The following TACC2 variants were observed in gnomAD, a reference collection of about 807,000 sequenced individuals.
TACC2 encodes the protein transforming acidic coiled-coil containing protein 2.
Under a neutral mutation model 227.3 loss-of-function variants are expected in TACC2, and 137 were observed. The observed-to-expected ratio is 0.60, with a 90% CI of 0.52 to 0.69. The LOEUF is 0.69. Ranked by LOEUF, TACC2 falls within the 30% of genes least tolerant of loss-of-function variation. TACC2 has a pLI of 0.00. For missense variants in TACC2, 3,470 were observed against 3,694.4 expected (o/e 0.94, Z 1.57); for synonymous variants, 1,523 against 1,487.5 (o/e 1.02, Z -0.55).
Position 122,171,245 on chromosome 10 carries a change from T to G in TACC2, c.5835-23795T>G, listed in dbSNP as rs74158808. Among the ~76,000 whole-genome samples, 1,005 of 152,274 alleles carry G rather than the reference T, an allele frequency of 6.6e-3. 13 individuals are homozygous for G. Among genetic ancestry groups the G allele is most frequent in the African/African-American group, 0.023 (965 of 41,544 alleles). On this transcript the variant is annotated intron_variant, in intron 7 of 22. Transcript: ENST00000369005. ...TTTCCTCTGAGTTTCTGCTTTTGCC[T>G]TTTCGTCTGCTTTCTCCTTAAATGG...
intron 16 of TACC2, among the ~76,000 whole-genome samples, chr10:122,233,133 A>C (rs969922415): frequency 3.3e-5 from 5 of 152,194 alleles, no homozygotes; most frequent in African/African-American, 1.2e-4. Flanking sequence ...AATGAGGAGA[A>C]GTCCTTAGGG....
intron 5 of TACC2, among the ~76,000 whole-genome samples, chr10:122,119,561 C>T (rs1031899929): frequency 6.6e-6 from 1 of 152,144 alleles, no homozygotes; most frequent in African/African-American, 2.4e-5. Context: ...GCTACACTTT[C>T]ACTCACCTGA....
rs1373973651 is a variant in TACC2, at chr10:122,176,103, CTCTCTCTCTCTCTCTATATATATATATA to C, written c.5835-18935_5835-18908del. The stretch of plus-strand genomic sequence containing the variant: ...TCTCTCTCTCTCTCTCTCTCTCTCT[CTCTCTCTCTCTCTCTATATATATATATA>C]TATATATATATATATGAAGATGAAA... On this transcript the variant is annotated intron_variant, in intron 7 of 22. Transcript: ENST00000369005. Among the ~76,000 whole-genome samples the C allele has an allele frequency of 3.8e-3, 298 of 77,874 alleles. 1 individual carries two copies. Among genetic ancestry groups the C allele is most frequent in the South Asian group, 0.013 (33 of 2,590 alleles). 51.1% of individuals were successfully genotyped at this position (77,874 alleles called of 152,430 possible).
At position 122,180,097 on chromosome 10, in the gene TACC2, C is replaced by G. The variant is rs533265127; in HGVS notation, c.5835-14943C>G. On this transcript the variant is annotated intron_variant, in intron 7 of 22. Coordinates refer to ENST00000369005, the MANE Select transcript of TACC2 (RefSeq NM_206862.4). The surrounding 1 kb of genome is among the most constrained non-coding windows in gnomAD (Gnocchi z 4.5). The stretch of plus-strand genomic sequence containing the variant: ...GAGACGGTGTCTCCAAAAAAACAGG[C>G]GAGTCCTTTCCCCGTGTAACCCTCA... 3.1e-4 allele frequency among the ~76,000 whole-genome samples: 47 copies of G among 151,742 alleles called. No individual in the cohort carries two copies. The highest frequency in any genetic ancestry group is 1.0e-3 in the African/African-American group (42 of 41,398).
At chr10:122,221,902 G>A (rs1266823537) in intron 11 of TACC2, among the ~76,000 whole-genome samples, 6 of 152,124 alleles carry the variant, frequency 3.9e-5, no homozygotes, top group Non-Finnish European at 5.9e-5. Context: ...TTCTGCATGG[G>A]GCTCTTTCCT....
intron 6 of TACC2, among the ~76,000 whole-genome samples, chr10:122,138,645 G>C (rs1219951847): frequency 3.9e-5 from 6 of 152,220 alleles, no homozygotes; most frequent in Non-Finnish European, 7.3e-5. Context: ...TGACATTCAT[G>C]AATCAGATTT....
chr10:122,076,655 G>C (rs1392430134), intron 3 of TACC2, among the ~76,000 whole-genome samples: 1 of 151,968 alleles, frequency 6.6e-6, no homozygotes, highest in Non-Finnish European at 1.5e-5. Context: ...CTACCAGTGA[G>C]TGTAGAGGTG....
intron 11 of TACC2, among the ~76,000 whole-genome samples, chr10:122,217,654 G>C (rs1302135479): frequency 6.6e-6 from 1 of 151,894 alleles, no homozygotes; most frequent in African/African-American, 2.4e-5. Flanking sequence ...TAGCTGGGCT[G>C]GTCTCTAACT....
At chr10:122,021,545 G>A (rs1156898567) in intron 1 of TACC2, among the ~76,000 whole-genome samples, 1 of 152,168 alleles carries the variant, frequency 6.6e-6, no homozygotes, top group Non-Finnish European at 1.5e-5. Context: ...GCCACACTCT[G>A]AATTTCCAAA....
chr10:122,242,071 A>G (rs1382154128), intron 19 of TACC2, 70 bp downstream of exon 19: 17 of 1,435,758 alleles, frequency 1.2e-5, no homozygotes, highest in Non-Finnish European at 1.7e-5. Flanking sequence ...GCCTTGGAAG[A>G]TAGGAGGCTC....
At chr10:122,043,890 TTAGAG>T (rs2074658307) in intron 2 of TACC2, among the ~76,000 whole-genome samples, 1 of 152,138 alleles carries the variant, frequency 6.6e-6, no homozygotes, top group South Asian at 2.1e-4. Flanking sequence ...AAATTTTACT[TTAGAG>T]TATTTTCAGA....
At chr10:122,172,286 T>G (rs909687116) in intron 7 of TACC2, among the ~76,000 whole-genome samples, 3 of 152,216 alleles carry the variant, frequency 2.0e-5, no homozygotes, top group Non-Finnish European at 4.4e-5. Context: ...GCTTTCCGTC[T>G]ACTGCTGGGT....
At chr10:122,072,040 G>A (rs1203728228) in intron 3 of TACC2, among the ~76,000 whole-genome samples, 12 of 142,294 alleles carry the variant, frequency 8.4e-5, no homozygotes, top group Non-Finnish European at 1.4e-4. Context: ...GTGCAGTGGC[G>A]CGATCTCAGC....
At chr10:122,054,120 G>A (rs2075985504) in intron 3 of TACC2, among the ~76,000 whole-genome samples, 1 of 152,184 alleles carries the variant, frequency 6.6e-6, no homozygotes, top group Admixed American at 6.5e-5. Context: ...CCCTCCCTCT[G>A]AATTATGCTA....
intron 8 of TACC2, among the ~76,000 whole-genome samples, chr10:122,201,269 C>G (rs1013227447): frequency 9.2e-5 from 11 of 119,284 alleles, no homozygotes; most frequent in Non-Finnish European, 1.8e-4. Flanking sequence ...CCTCACCTGC[C>G]CACAGTGGCT....
At chr10:122,077,379 C>G (rs1260320253) in intron 3 of TACC2, among the ~76,000 whole-genome samples, 3 of 152,136 alleles carry the variant, frequency 2.0e-5, no homozygotes, top group Non-Finnish European at 4.4e-5. Context: ...AGTCACCAAC[C>G]ATAGTGATGG....
chr10:122,008,132 A>T (rs1035859139), intron 1 of TACC2, among the ~76,000 whole-genome samples: 10 of 151,816 alleles, frequency 6.6e-5, no homozygotes, highest in African/African-American at 2.4e-4. Flanking sequence ...CAGAAGATGG[A>T]CCAAGACAAA....
At chr10:122,244,607 GCTT>G (rs2096070543) in intron 19 of TACC2, among the ~76,000 whole-genome samples, 1 of 152,100 alleles carries the variant, frequency 6.6e-6, no homozygotes, top group African/African-American at 2.4e-5. Context: ...GTCTCTCCAT[GCTT>G]GGTAACATGC....
chr10:122,053,677 C>T (rs144432260), intron 3 of TACC2, among the ~76,000 whole-genome samples: 3 of 152,310 alleles, frequency 2.0e-5, no homozygotes, highest in Admixed American at 6.5e-5. Context: ...TGCTCATTCC[C>T]CTCTGAACCA....
Sources: allele counts gnomAD v4.1 joint callset (sites outside exome capture counted in the v4.1 genomes callset), GRCh38; gene constraint gnomAD v4.1.1; non-coding constraint Gnocchi (gnomAD v3.1); transcripts MANE v1.5; gene names NCBI Gene and HGNC (gene_info 2026-07-23, HGNC 2026-07-21).